COBL: variants seen among roughly 807,000 people sequenced by gnomAD.
COBL encodes the protein protein cordon-bleu.
Under a neutral mutation model 98.8 loss-of-function variants are expected in COBL, and 51 were observed. The observed-to-expected ratio is 0.52, with a 90% CI of 0.41 to 0.65. The LOEUF is 0.65. Ranked by LOEUF, COBL falls within the 30% of genes least tolerant of loss-of-function variation. COBL has a pLI of 0.00. For missense variants in COBL, 1,617 were observed against 1,617.5 expected (o/e 1.00, Z 0.01); for synonymous variants, 634 against 651.7 (o/e 0.97, Z 0.41).
chr7:51,208,087 G>A (rs923124509), intron 2 of COBL, among the ~76,000 whole-genome samples: 8 of 147,920 alleles, frequency 5.4e-5, no homozygotes, highest in South Asian at 2.2e-4. Flanking sequence ...CCGCCGCCCC[G>A]TCTGGAATGT....
At chr7:51,252,454 G>A (rs892267473) in intron 1 of COBL, among the ~76,000 whole-genome samples, 1 of 151,990 alleles carries the variant, frequency 6.6e-6, no homozygotes, top group Non-Finnish European at 1.5e-5. Context: ...TGCCTGTTCT[G>A]GACATTTCAC....
intron 1 of COBL, among the ~76,000 whole-genome samples, chr7:51,270,709 A>G (rs1798675518): frequency 6.6e-6 from 1 of 152,190 alleles, no homozygotes; most frequent in Non-Finnish European, 1.5e-5. Context: ...TACGGACACT[A>G]AAGTTATGCA....
intron 6 of COBL, among the ~76,000 whole-genome samples, chr7:51,133,138 G>A (rs550269600): frequency 3.9e-5 from 6 of 152,258 alleles, no homozygotes; most frequent in Admixed American, 2.0e-4. Flanking sequence ...TACACAGCAC[G>A]ATGGTGAGAG....
At chr7:51,148,242 A>T (rs921422832) in intron 5 of COBL, among the ~76,000 whole-genome samples, 1 of 152,160 alleles carries the variant, frequency 6.6e-6, no homozygotes, top group Non-Finnish European at 1.5e-5. Context: ...AGGCAGCCAG[A>T]GTGACTGGGG....
intron 5 of COBL, among the ~76,000 whole-genome samples, chr7:51,177,700 G>T (rs970893575): frequency 5.9e-5 from 9 of 151,820 alleles, no homozygotes; most frequent in African/African-American, 2.2e-4. Flanking sequence ...TTGAACCCAG[G>T]AGGCAGAGGT....
intron 5 of COBL, chr7:51,156,250 T>TAC: frequency 1.0e-6 from 1 of 985,088 alleles, no homozygotes; most frequent in Non-Finnish European, 1.2e-6. Flanking sequence ...ATTCCTTTCT[T>TAC]ACCCTTTTAT....
intron 1 of COBL, among the ~76,000 whole-genome samples, chr7:51,253,380 C>G (rs1462353560): frequency 6.6e-6 from 1 of 152,138 alleles, no homozygotes; most frequent in African/African-American, 2.4e-5. Flanking sequence ...AAGCCTACTC[C>G]TGGGTTTGTT....
intron 1 of COBL, among the ~76,000 whole-genome samples, chr7:51,258,767 A>G (rs1372055381): frequency 2.0e-5 from 3 of 152,226 alleles, no homozygotes; most frequent in Non-Finnish European, 4.4e-5. Context: ...TAAATGATTC[A>G]TATCTTTAAG....
intron 1 of COBL, among the ~76,000 whole-genome samples, chr7:51,226,421 T>C (rs897126161): frequency 3.9e-5 from 6 of 152,156 alleles, no homozygotes; most frequent in Non-Finnish European, 7.4e-5. Flanking sequence ...CAGCCACAGT[T>C]GTAGACTTCC....
chr7:51,191,366 T>A (rs1408355781), intron 3 of COBL, among the ~76,000 whole-genome samples: 1 of 152,170 alleles, frequency 6.6e-6, no homozygotes, highest in Non-Finnish European at 1.5e-5. Context: ...TATACTTTAC[T>A]GTCTTCCAAG....
At chr7:51,250,238 C>T (rs576914775) in intron 1 of COBL, among the ~76,000 whole-genome samples, 136 of 152,322 alleles carry the variant, frequency 8.9e-4, no homozygotes, top group Admixed American at 2.0e-3. Flanking sequence ...GCCTTGCAGC[C>T]AGAAAGTGAC....
chr7:51,191,165 G>T, intron 3 of COBL, 87 bp from the exon 4 acceptor site: 1 of 1,172,484 alleles, frequency 8.5e-7, no homozygotes, highest in Non-Finnish European at 1.2e-6. Flanking sequence ...ATTGGGTGTG[G>T]CAGGATTGTG....
At chr7:51,093,385 G>A (rs1160333420) in intron 6 of COBL, among the ~76,000 whole-genome samples, 1 of 152,152 alleles carries the variant, frequency 6.6e-6, no homozygotes, top group African/African-American at 2.4e-5. Context: ...ATGAACCCTT[G>A]TGTATTGTTG....
chr7:51,101,665 C>T (rs147523937), intron 6 of COBL, among the ~76,000 whole-genome samples: 38 of 152,298 alleles, frequency 2.5e-4, no homozygotes, highest in Admixed American at 4.6e-4. Flanking sequence ...GATTTCTCAC[C>T]TAGTAAAGCA....
At chr7:51,211,642 G>C (rs1305460620) in intron 2 of COBL, among the ~76,000 whole-genome samples, 1 of 152,190 alleles carries the variant, frequency 6.6e-6, no homozygotes, top group Non-Finnish European at 1.5e-5. Context: ...CAAATACCAA[G>C]ATATTAGACC....
chr7:51,115,900 G>T (rs538226966), intron 6 of COBL, among the ~76,000 whole-genome samples: 2 of 151,950 alleles, frequency 1.3e-5, no homozygotes, highest in African/African-American at 4.8e-5. Flanking sequence ...TCTGTTATTA[G>T]GTACATACAC....
Position 51,017,480 on chromosome 7 carries a change from T to G in COBL, c.*71A>C. On this transcript the variant is annotated 3_prime_UTR_variant, in exon 13 of 13. Coordinates refer to ENST00000265136, the MANE Select transcript of COBL (RefSeq NM_015198.5). ...CACCAAAACTTGATGTTCCTGGCTA[T>G]GCAGACTCCTTGAGTGACGCCTGTG... 6.7e-7 allele frequency: 1 copy of G among 1,502,674 alleles called. No homozygotes were observed. Among genetic ancestry groups the G allele is most frequent in the East Asian group, 2.3e-5 (1 of 44,314 alleles). 93.1% of individuals were successfully genotyped at this position (1,502,674 alleles called of 1,614,324 possible).
At chr7:51,292,670 C>CTG (rs1491523821) in intron 1 of COBL, among the ~76,000 whole-genome samples, 1 of 152,374 alleles carries the variant, frequency 6.6e-6, no homozygotes, top group East Asian at 1.9e-4. Flanking sequence ...GAGCACTCCC[C>CTG]TGTGTGGAGG....
intron 1 of COBL, among the ~76,000 whole-genome samples, chr7:51,252,108 G>A (rs1165851004): frequency 1.3e-5 from 2 of 151,596 alleles, no homozygotes; most frequent in African/African-American, 2.4e-5. Context: ...ATCAAGGTTC[G>A]TGCACTGCAT....
Sources: gnomAD v4.1 joint callset for allele counts (sites outside exome capture counted in the v4.1 genomes callset) on GRCh38, gnomAD v4.1.1 for gene constraint, MANE v1.5 for transcripts, NCBI Gene and HGNC (gene_info 2026-07-23, HGNC 2026-07-21) for gene names.